PPIL4: variants seen among roughly 807,000 people sequenced by gnomAD.
The protein encoded by PPIL4 is peptidylprolyl isomerase like 4.
In PPIL4, 50 loss-of-function variants were observed where a neutral mutation model predicts 69.1. The ratio of observed to expected loss-of-function variants is 0.72; its 90% CI spans 0.58 to 0.92. PPIL4 has a LOEUF of 0.92. Ranked by LOEUF, PPIL4 falls within the 40% of genes least tolerant of loss-of-function variation. The probability of loss-of-function intolerance (pLI) is 0.00; values close to 1 mark genes in which losing one functional copy is unlikely to be tolerated. For missense variants in PPIL4, 480 were observed against 587.9 expected (o/e 0.82, Z 1.90); for synonymous variants, 193 against 191.6 (o/e 1.01, Z -0.06).
chr6:149,514,277 C>T (rs947542343), intron 11 of PPIL4, among the ~76,000 whole-genome samples: 1 of 152,190 alleles, frequency 6.6e-6, no homozygotes, highest in African/African-American at 2.4e-5. Flanking sequence ...CCATAGCTCC[C>T]ACCTATGATT....
At chr6:149,525,975 T>C (rs1211493559) in intron 8 of PPIL4, among the ~76,000 whole-genome samples, 1 of 152,148 alleles carries the variant, frequency 6.6e-6, no homozygotes, top group Non-Finnish European at 1.5e-5. Flanking sequence ...GGCGCATGCC[T>C]GTAGTCCCAG....
chr6:149,522,903 G>A (rs1433651477), intron 9 of PPIL4, among the ~76,000 whole-genome samples: 4 of 152,102 alleles, frequency 2.6e-5, no homozygotes, highest in African/African-American at 7.2e-5. Flanking sequence ...GAGCCACCAC[G>A]CCTGGCCAGG....
In PPIL4 at chr6:149,534,708, T is replaced by A. The variant is rs1327998560; in HGVS notation, c.531A>T (p.Arg177=). 2.5e-6 allele frequency: 4 copies of A among 1,590,598 alleles called. No homozygotes were observed. The African/African-American group carries it at 5.4e-5, about 21-fold the overall frequency. ...DDPPDLLIPD[R]SPEPTREQLD... ...ATTGTTCCCTTGTAGGTTCTGGTGA[T>A]CGATCAGGGATTAATAAATCAGGAG... Residue 177 remains arginine (R), a synonymous_variant, in exon 6 of 13, where the codon CGA becomes CGT. Coordinates refer to ENST00000253329, the MANE Select transcript of PPIL4 (RefSeq NM_139126.4).
chr6:149,519,380 A>G (rs1328046697), intron 10 of PPIL4, among the ~76,000 whole-genome samples: 1 of 152,180 alleles, frequency 6.6e-6, no homozygotes, highest in Non-Finnish European at 1.5e-5. Context: ...ACCTGGCATT[A>G]CTACTGGCCA....
At chr6:149,527,232 C>T (rs992224251) in intron 7 of PPIL4, among the ~76,000 whole-genome samples, 15 of 152,208 alleles carry the variant, frequency 9.9e-5, no homozygotes, top group Non-Finnish European at 2.1e-4. Context: ...GTGGTGTGCA[C>T]CTGTAGTCCT....
chr6:149,535,233 G>A (rs1188923293), intron 5 of PPIL4, among the ~76,000 whole-genome samples: 1 of 152,168 alleles, frequency 6.6e-6, no homozygotes, highest in Non-Finnish European at 1.5e-5. Context: ...GCGGGCGCCT[G>A]TAGTCCTAGC....
At chr6:149,533,237 T>C (rs1041583404) in intron 7 of PPIL4, among the ~76,000 whole-genome samples, 9 of 152,212 alleles carry the variant, frequency 5.9e-5, no homozygotes, top group Non-Finnish European at 1.3e-4. Context: ...AGAGATCCAC[T>C]TCCCACTGTT....
Position 149,526,636 on chromosome 6 carries a change from T to C in PPIL4, c.803+16A>G. 6.3e-7 allele frequency: 1 copy of C among 1,594,220 alleles called. No homozygotes were observed. Among genetic ancestry groups the C allele is most frequent in the Non-Finnish European group, 8.6e-7 (1 of 1,168,782 alleles). ...TAGTTTTTCTAAATATCTCTTTCAC[T>C]AATTCTAAGGATTACCTTCTTATTG... On this transcript the variant is annotated intron_variant, in intron 8 of 12. Transcript: ENST00000253329.
chr6:149,525,030 A>C, intron 9 of PPIL4, 113 bp downstream of exon 9: 1 of 527,894 alleles, frequency 1.9e-6, no homozygotes, highest in Non-Finnish European at 3.4e-6. Flanking sequence ...AATTTTGGGG[A>C]GTGCCAAAAG....
At position 149,505,506 on chromosome 6, in the gene PPIL4, G is replaced by C. The variant is rs751470305; in HGVS notation, c.1426C>G (p.Arg476Gly). 4.3e-6 allele frequency: 7 copies of C among 1,613,410 alleles called. No homozygotes were observed. The South Asian group carries it at 5.5e-5, about 13-fold the overall frequency. ...YERERSKKRD[R>G]SRSPKKSKDK... ...TTGGACTTCTTTGGACTTCTGCTTC[G>C]GTCTCTCTTTTTACTCCTTTCTCTT... Residue 476 changes from arginine to glycine, a missense_variant, in exon 13 of 13, where the codon CGA becomes GGA. Physicochemically the swap from Arg to Gly is moderately radical, Grantham distance 125. Coordinates refer to ENST00000253329, the MANE Select transcript of PPIL4 (RefSeq NM_139126.4).
At chr6:149,522,993 A>C (rs1777053977) in intron 9 of PPIL4, among the ~76,000 whole-genome samples, 1 of 152,252 alleles carries the variant, frequency 6.6e-6, no homozygotes, top group African/African-American at 2.4e-5. Flanking sequence ...ATACACCAAA[A>C]GCAAATTACA....
At position 149,513,823 on chromosome 6, in the gene PPIL4, A is replaced by G. The variant is rs548506935; in HGVS notation, c.1080-1521T>C. ...TAATTCAGAGATAAGTATTTTCTTA[A>G]ATATACTATAATAGAATAAGAGAAA... On this transcript the variant is annotated intron_variant, in intron 11 of 12. Coordinates refer to ENST00000253329, the MANE Select transcript of PPIL4 (RefSeq NM_139126.4). Among the ~76,000 whole-genome samples, 96 of 152,306 alleles carry G rather than the reference A, an allele frequency of 6.3e-4. 1 individual carries two copies. The highest frequency in any genetic ancestry group is 3.4e-3 in the Middle Eastern group (1 of 294).
intron 1 of PPIL4, 22 bp downstream of exon 1, chr6:149,545,914 G>T: frequency 6.4e-7 from 1 of 1,570,320 alleles, no homozygotes; most frequent in South Asian, 1.2e-5. Context: ...CCGGCGACAG[G>T]TGAGTGGGGC....
At chr6:149,508,697 C>A (rs1308811547) in intron 12 of PPIL4, among the ~76,000 whole-genome samples, 1 of 152,150 alleles carries the variant, frequency 6.6e-6, no homozygotes, top group African/African-American at 2.4e-5. Flanking sequence ...CTCAGCAAGG[C>A]AACCCCCAGC....
intron 2 of PPIL4, 43 bp from the exon 3 acceptor site, chr6:149,541,474 G>C (rs1405132431): frequency 6.6e-7 from 1 of 1,522,598 alleles, no homozygotes; most frequent in African/African-American, 1.4e-5. Flanking sequence ...GAGTTTGTTA[G>C]ATAGTTCCAA....
At chr6:149,544,381 T>C (rs139552444) in intron 1 of PPIL4, among the ~76,000 whole-genome samples, 7 of 152,354 alleles carry the variant, frequency 4.6e-5, no homozygotes, top group African/African-American at 1.7e-4. Flanking sequence ...ACAACACATT[T>C]ATATCCATTA....
chr6:149,511,658 A>G (rs1288087739), intron 12 of PPIL4, among the ~76,000 whole-genome samples: 2 of 152,156 alleles, frequency 1.3e-5, no homozygotes, highest in African/African-American at 4.8e-5. Flanking sequence ...TCTTTGGGGA[A>G]TTTTTATTAT....
At chr6:149,536,513 G>C (rs192796820) in intron 4 of PPIL4, among the ~76,000 whole-genome samples, 2 of 152,232 alleles carry the variant, frequency 1.3e-5, no homozygotes, top group East Asian at 3.9e-4. Context: ...ATGATAAAAT[G>C]AAACAGGCTT....
At position 149,517,404 on chromosome 6, in the gene PPIL4, C is replaced by T; in HGVS notation, c.1029G>A (p.Gln343=). The T allele has an allele frequency of 6.2e-7, 1 of 1,607,756 alleles. No homozygotes were observed. The highest frequency in any genetic ancestry group is 8.5e-7 in the Non-Finnish European group (1 of 1,175,746). The change falls in exon 11 of 13, where the codon CAG becomes CAA. Residue 343 remains glutamine, a synonymous_variant. Coordinates refer to ENST00000253329, the MANE Select transcript of PPIL4 (RefSeq NM_139126.4). ...KSDFKEYEKE[Q]DKPPNLVLKD... ...TCAGAACCAAATTAGGTGGTTTATC[C>T]TGTTCTTTTTCATACTCCTTGAAAT...
Sources: gnomAD v4.1 joint callset for allele counts (sites outside exome capture counted in the v4.1 genomes callset) on GRCh38, gnomAD v4.1.1 for gene constraint, MANE v1.5 for transcripts, NCBI Gene and HGNC (gene_info 2026-07-23, HGNC 2026-07-21) for gene names.